Variants in WDR70 observed in about 807,000 individuals in gnomAD.
The protein encoded by WDR70 is WD repeat domain 70.
In WDR70, 53 loss-of-function variants were observed where a neutral mutation model predicts 88.6. The observed-to-expected ratio is 0.60, with a 90% CI of 0.48 to 0.75. The LOEUF (loss-of-function observed/expected upper bound fraction) is 0.75. Ranked by LOEUF, WDR70 falls within the 30% of genes least tolerant of loss-of-function variation. The pLI is 0.00. For missense variants in WDR70, 610 were observed against 823.2 expected (o/e 0.74, Z 3.17); for synonymous variants, 280 against 270.0 (o/e 1.04, Z -0.36).
intron 8 of WDR70, among the ~76,000 whole-genome samples, chr5:37,484,493 G>A (rs1225601934): frequency 1.3e-5 from 2 of 152,192 alleles, no homozygotes; most frequent in African/African-American, 2.4e-5. Context: ...GCATTGAGCC[G>A]AGATGGCAGC....
chr5:37,673,217 G>C (rs1259185552), intron 10 of WDR70, among the ~76,000 whole-genome samples: 1 of 152,148 alleles, frequency 6.6e-6, no homozygotes, highest in Non-Finnish European at 1.5e-5. Context: ...CCATGTTCCT[G>C]CAAAAGATGT....
rs568109830 is a variant in WDR70, at chr5:37,554,204, G to A, written c.917+37614G>A. Among the ~76,000 whole-genome samples the A allele has an allele frequency of 5.5e-4, 83 of 150,784 alleles. 1 individual carries two copies. Among genetic ancestry groups the A allele is most frequent in the South Asian group, 5.4e-3 (26 of 4,782 alleles). On this transcript the variant is annotated intron_variant, in intron 9 of 17. Coordinates refer to ENST00000265107, the MANE Select transcript of WDR70 (RefSeq NM_018034.4). ...AGTCATGTATCTGTTAAGAGCTATT[G>A]TGGAAAATTGTGAGCCTGTCTCTGC... is the stretch of plus-strand genomic sequence containing the variant.
chr5:37,634,208 AGAATGGTGT>A (rs1744896644), intron 10 of WDR70, among the ~76,000 whole-genome samples: 1 of 151,172 alleles, frequency 6.6e-6, no homozygotes, highest in Admixed American at 6.6e-5. Flanking sequence ...CTGAGCCAGG[AGAATGGTGT>A]GAACCCAGGT....
chr5:37,594,452 G>T (rs1245284959), intron 9 of WDR70, among the ~76,000 whole-genome samples: 2 of 152,168 alleles, frequency 1.3e-5, no homozygotes, highest in Non-Finnish European at 2.9e-5. Context: ...TCAGATGGTT[G>T]TAGATGTGTG....
intron 10 of WDR70, among the ~76,000 whole-genome samples, chr5:37,617,277 T>G (rs551158063): frequency 4.6e-5 from 7 of 152,266 alleles, no homozygotes; most frequent in African/African-American, 1.7e-4. Flanking sequence ...CACTCCAAAA[T>G]TTCACTGCTA....
intron 17 of WDR70, among the ~76,000 whole-genome samples, chr5:37,733,111 T>C (rs1468467124): frequency 6.6e-6 from 1 of 152,126 alleles, no homozygotes; most frequent in Non-Finnish European, 1.5e-5. Context: ...GTTGGCAGGA[T>C]TGTACTTTCT....
chr5:37,410,629 T>C (rs1749495279), intron 5 of WDR70, among the ~76,000 whole-genome samples: 1 of 152,150 alleles, frequency 6.6e-6, no homozygotes, highest in African/African-American at 2.4e-5. Flanking sequence ...GGTATGGTAG[T>C]TTTTTAAAAG....
intron 13 of WDR70, among the ~76,000 whole-genome samples, chr5:37,717,724 C>T (rs939539345): frequency 4.6e-5 from 7 of 152,154 alleles, no homozygotes; most frequent in African/African-American, 1.2e-4. Flanking sequence ...CCAGCCCTGC[C>T]GCAGTCTCAG....
In WDR70 at chr5:37,480,297, GTC is replaced by G. The variant is rs565624550; in HGVS notation, c.840+316_840+317del. On this transcript the variant is annotated intron_variant, in intron 8 of 17. Transcript: ENST00000265107. ...CCCCTTCCCTTCTTGCTGGCTCTCT[GTC>G]TCTCTGTCTTTTTCTCTTGCCACAT... is the stretch of plus-strand genomic sequence containing the variant. Among the ~76,000 whole-genome samples, 22 of 152,116 alleles carry G rather than the reference GTC, an allele frequency of 1.4e-4. No homozygotes were observed. The East Asian group carries it at 4.2e-3, about 29-fold the overall frequency.
intron 7 of WDR70, among the ~76,000 whole-genome samples, chr5:37,467,214 G>T (rs1197766644): frequency 7.7e-6 from 1 of 129,044 alleles, no homozygotes; most frequent in Non-Finnish European, 1.6e-5. Context: ...ACGACAGAAT[G>T]AGACTCTGTC....
Position 37,447,061 on chromosome 5 carries a change from C to T in WDR70, c.686+3689C>T, listed in dbSNP as rs150053974. 7.3e-3 allele frequency among the ~76,000 whole-genome samples: 1,113 copies of T among 152,182 alleles called. 16 individuals are homozygous for T. The highest frequency in any genetic ancestry group is 0.025 in the African/African-American group (1,047 of 41,536). ...ACCCATCTGACAAAGGGCTAATATC[C>T]AAAACCTACAAAGAACTCTTAACAA... On this transcript the variant is annotated intron_variant, in intron 7 of 17. Transcript: ENST00000265107.
chr5:37,596,707 C>G (rs1207284439), intron 9 of WDR70, among the ~76,000 whole-genome samples: 1 of 152,154 alleles, frequency 6.6e-6, no homozygotes, highest in African/African-American at 2.4e-5. Flanking sequence ...TGATATTTAT[C>G]ACATATATAT....
At chr5:37,407,383 CG>C (rs1347792543) in intron 5 of WDR70, among the ~76,000 whole-genome samples, 1 of 151,802 alleles carries the variant, frequency 6.6e-6, no homozygotes, top group East Asian at 1.9e-4. Flanking sequence ...AATAATTAGC[CG>C]GGTGTAGTGA....
chr5:37,649,647 G>A (rs1196453565), intron 10 of WDR70, among the ~76,000 whole-genome samples: 2 of 151,044 alleles, frequency 1.3e-5, no homozygotes, highest in African/African-American at 4.9e-5. Flanking sequence ...TGTCTCACTG[G>A]GTTGTCATAA....
At chr5:37,436,813 T>C (rs1298308343) in intron 5 of WDR70, among the ~76,000 whole-genome samples, 1 of 150,890 alleles carries the variant, frequency 6.6e-6, no homozygotes, top group Non-Finnish European at 1.5e-5. Context: ...ACTTTGTTTA[T>C]ATGCTGAAGA....
At chr5:37,506,830 C>T in intron 8 of WDR70, 1 of 1,296,454 alleles carries the variant, frequency 7.7e-7, no homozygotes, top group Non-Finnish European at 1.1e-6. Flanking sequence ...TTGGGGGCTG[C>T]TGTTCAGGAA....
At chr5:37,447,305 T>G (rs1410088861) in intron 7 of WDR70, among the ~76,000 whole-genome samples, 1 of 152,088 alleles carries the variant, frequency 6.6e-6, no homozygotes, top group Non-Finnish European at 1.5e-5. Flanking sequence ...CTGGAGAGGA[T>G]GTAGAGAAAT....
At chr5:37,438,560 G>A (rs1167305724) in intron 6 of WDR70, among the ~76,000 whole-genome samples, 3 of 152,028 alleles carry the variant, frequency 2.0e-5, no homozygotes, top group African/African-American at 4.8e-5. Flanking sequence ...CTAAAAAGTA[G>A]TAGTTAAATG....
At chr5:37,480,049 G>T in intron 8 of WDR70, 62 bp downstream of exon 8, 1 of 1,533,862 alleles carries the variant, frequency 6.5e-7, no homozygotes, top group Non-Finnish European at 8.8e-7. Flanking sequence ...ACAACTATTT[G>T]AGTTATCATG....
Sources: gnomAD v4.1 joint callset for allele counts (sites outside exome capture counted in the v4.1 genomes callset) on GRCh38, gnomAD v4.1.1 for gene constraint, MANE v1.5 for transcripts, NCBI Gene and HGNC (gene_info 2026-07-23, HGNC 2026-07-21) for gene names.